IL26: variants seen among roughly 807,000 people sequenced by gnomAD.
IL26 encodes the protein interleukin-26.
A neutral mutation model predicts 21.7 loss-of-function variants in IL26; 23 were observed. The observed-to-expected ratio is 1.06, with a 90% confidence interval of 0.76 to 1.50. The LOEUF is 1.50. Among genes scored for constraint, IL26 ranks in the 40% most tolerant of loss-of-function variants. The probability of loss-of-function intolerance (pLI) is 0.00; values close to 1 mark genes in which losing one functional copy is unlikely to be tolerated. For missense variants in IL26, 204 were observed against 196.0 expected, an observed-to-expected ratio of 1.04 and a Z score of -0.24; for synonymous variants, 63 against 67.8, an observed-to-expected ratio of 0.93 and a Z score of 0.34.
chr12:68,217,274 T>A (rs1868911871), intron 3 of IL26, among the ~76,000 whole-genome samples: 1 of 152,186 alleles, frequency 6.6e-6, no homozygotes, highest in Non-Finnish European at 1.5e-5. Flanking sequence ...TGCTGTTTTA[T>A]CTTAAGAGTG....
chr12:68,215,734 C>T (rs1415633923), intron 3 of IL26, among the ~76,000 whole-genome samples: 1 of 152,122 alleles, frequency 6.6e-6, no homozygotes, highest in African/African-American at 2.4e-5. Context: ...GTGGTGCAAT[C>T]TTGACGCATT....
intron 3 of IL26, among the ~76,000 whole-genome samples, chr12:68,216,291 T>TA (rs1309041595): frequency 1.3e-5 from 2 of 151,846 alleles, no homozygotes; most frequent in Non-Finnish European, 2.9e-5. Flanking sequence ...CTCCGTCTCA[T>TA]AAAAAAATAA....
chr12:68,204,426 AGCCGCCGC>A (rs1289088383), intron 3 of IL26, among the ~76,000 whole-genome samples: 1 of 152,112 alleles, frequency 6.6e-6, no homozygotes, highest in Non-Finnish European at 1.5e-5. Flanking sequence ...TACAGGCATG[AGCCGCCGC>A]GCCTGGCCAG....
intron 3 of IL26, among the ~76,000 whole-genome samples, chr12:68,220,930 C>A (rs1279502301): frequency 4.6e-5 from 7 of 152,242 alleles, no homozygotes; most frequent in Admixed American, 3.9e-4. Flanking sequence ...AGCTACCGTA[C>A]CTGGCCAAAT....
At chr12:68,208,777 A>C (rs566674265) in intron 3 of IL26, among the ~76,000 whole-genome samples, 13 of 152,292 alleles carry the variant, frequency 8.5e-5, no homozygotes, top group Admixed American at 7.8e-4. Context: ...CTCGGATTAC[A>C]GTGTGAGCCA....
At chr12:68,221,344 G>A (rs765805850) in intron 3 of IL26, among the ~76,000 whole-genome samples, 7 of 152,082 alleles carry the variant, frequency 4.6e-5, no homozygotes, top group African/African-American at 7.2e-5. Flanking sequence ...AGGAAAGCAC[G>A]AGGTCTCAGC....
chr12:68,208,175 A>T (rs1187745226), intron 3 of IL26, among the ~76,000 whole-genome samples: 5 of 152,202 alleles, frequency 3.3e-5, no homozygotes, highest in Non-Finnish European at 7.4e-5. Flanking sequence ...AAACAAAAAC[A>T]TGACTGCTCC....
intron 3 of IL26, among the ~76,000 whole-genome samples, chr12:68,211,377 G>T (rs1233024124): frequency 1.3e-4 from 20 of 152,150 alleles, no homozygotes; most frequent in Non-Finnish European, 8.8e-5. Context: ...TTGAGTGCAG[G>T]TTATCTCTTC....
Position 68,201,880 on chromosome 12 carries a change from AAAG to A in IL26, c.478_480del (p.Leu160del), listed in dbSNP as rs755646348. 4 of 1,604,002 alleles carry A rather than the reference AAAG, an allele frequency of 2.5e-6. No individual in the cohort carries two copies. Among genetic ancestry groups the A allele is most frequent in the African/African-American group, 2.7e-5 (2 of 74,336 alleles). On this transcript the variant is annotated inframe_deletion, in exon 5 of 5. Transcript: ENST00000229134. ...CTTTCCAATAATTTTTTAATCCAGG[AAAG>A]AAGAATATCCAGTTCACTGATGGCT...
chr12:68,210,357 A>C (rs1369073285), intron 3 of IL26, among the ~76,000 whole-genome samples: 1 of 41,896 alleles, frequency 2.4e-5, no homozygotes, highest in African/African-American at 7.2e-5. Flanking sequence ...AAAAAAAAAA[A>C]AAAAAAAAAA....
intron 3 of IL26, among the ~76,000 whole-genome samples, chr12:68,208,859 C>T (rs1343725003): frequency 2.6e-5 from 4 of 152,106 alleles, no homozygotes; most frequent in African/African-American, 9.7e-5. Flanking sequence ...CATTGAGTCC[C>T]CTGCATCTGG....
At chr12:68,207,318 T>C (rs1868571712) in intron 3 of IL26, among the ~76,000 whole-genome samples, 1 of 152,228 alleles carries the variant, frequency 6.6e-6, no homozygotes, top group Non-Finnish European at 1.5e-5. Context: ...ACTTCCAGCA[T>C]CACCAGTGGC....
Position 68,201,596 on chromosome 12 carries a change from G to T in IL26, c.*249C>A. On this transcript the variant is annotated 3_prime_UTR_variant, in exon 5 of 5. Transcript: ENST00000229134. ...ATACTTTAAATTAAGTTGACACAAT[G>T]TACTTGTGAATGACAAAACATGTTC... 8.7e-6 allele frequency: 3 copies of T among 343,072 alleles called. No homozygotes were observed. The highest frequency in any genetic ancestry group is 1.1e-4 in the East Asian group (2 of 18,822). 21.3% of individuals were successfully genotyped at this position (343,072 alleles called of 1,614,324 possible).
Position 68,204,141 on chromosome 12 carries a change from A to ATTTTTTTTTTTTTTTTTTTTTT in IL26, c.364-2059_364-2058insAAAAAAAAAAAAAAAAAAAAAA, listed in dbSNP as rs6144754. Among the ~76,000 whole-genome samples, 25 of 113,192 alleles carry ATTTTTTTTTTTTTTTTTTTTTT rather than the reference A, an allele frequency of 2.2e-4. 1 individual carries two copies. Among genetic ancestry groups the ATTTTTTTTTTTTTTTTTTTTTT allele is most frequent in the African/African-American group, 4.2e-4 (12 of 28,832 alleles). 74.3% of individuals were successfully genotyped at this position (113,192 alleles called of 152,430 possible). A position where few individuals can be genotyped will look rare whatever the true frequency, so the allele number is the denominator to read the frequency against. On this transcript the variant is annotated intron_variant, in intron 3 of 4. Transcript: ENST00000229134. ...TAAAATCATGTGTTAGGATTCAAAG[A>ATTTTTTTTTTTTTTTTTTTTTT]TTTTTTTTTTTTTTTTTTTTGAGGC...
rs2120486896 is a variant in IL26 at position 68,225,500 on chromosome 12, C to T, written c.172G>A (p.Glu58Lys). 6.3e-7 allele frequency: 1 copy of T among 1,597,242 alleles called. No individual in the cohort carries two copies. The highest frequency in any genetic ancestry group is 1.1e-5 in the South Asian group (1 of 90,230). The change falls in exon 2 of 5, where the codon GAA becomes AAA. Residue 58 changes from glutamate to lysine, a missense_variant and splice_region_variant. By Grantham distance (56) the Glu-to-Lys change is moderately conservative (BLOSUM62 1). Transcript: ENST00000229134. Reference sequence around the variant, plus strand: ...AATCGTATATTTTTTATGCGGTCTTCCTACAATAATACAAAGAGAAATAAG... The same window carrying T: ...AATCGTATATTTTTTATGCGGTCTTTCTACAATAATACAAAGAGAAATAAG... ...KAAWLKATIPEDRIKNIRLLK... is the reference protein window; with the variant it reads ...KAAWLKATIPKDRIKNIRLLK...
chr12:68,210,439 G>C (rs1868688472), intron 3 of IL26, among the ~76,000 whole-genome samples: 1 of 130,042 alleles, frequency 7.7e-6, no homozygotes, highest in African/African-American at 2.9e-5. Context: ...AAGATTTATA[G>C]GAAACTTTGA....
chr12:68,205,468 T>C (rs745428180), intron 3 of IL26, among the ~76,000 whole-genome samples: 2 of 152,026 alleles, frequency 1.3e-5, no homozygotes, highest in Non-Finnish European at 2.9e-5. Context: ...GAAAAGACAA[T>C]GTAACTAAGA....
chr12:68,220,278 T>A (rs1166488845), intron 3 of IL26, among the ~76,000 whole-genome samples: 1 of 152,128 alleles, frequency 6.6e-6, no homozygotes, highest in Non-Finnish European at 1.5e-5. Flanking sequence ...ATCTAACATA[T>A]GTAGATGCAA....
At position 68,205,405 on chromosome 12, in the gene IL26, A is replaced by G. The variant is rs11571050; in HGVS notation, c.364-3322T>C. Among the ~76,000 whole-genome samples, 1,442 of 151,986 alleles carry G rather than the reference A, an allele frequency of 9.5e-3. 16 individuals are homozygous for G. Among genetic ancestry groups the G allele is most frequent in the African/African-American group, 0.033 (1,369 of 41,432 alleles). On this transcript the variant is annotated intron_variant, in intron 3 of 4. Coordinates refer to ENST00000229134, the MANE Select transcript of IL26 (RefSeq NM_018402.2). ...GATAACATGATTAATCAATTAACAC[A>G]TATTTTGTGAGATAGATAGATAGAT...
Sources: allele counts gnomAD v4.1 joint callset (sites outside exome capture counted in the v4.1 genomes callset), GRCh38; gene constraint gnomAD v4.1.1; transcripts MANE v1.5; gene names NCBI Gene and HGNC (gene_info 2026-07-23, HGNC 2026-07-21).